Variants in CNTNAP2 observed in about 807,000 individuals in gnomAD.
CNTNAP2 encodes the protein contactin associated protein 2.
CNTNAP2 carries 98 observed loss-of-function variants against 155.2 expected under a neutral mutation model. The ratio of observed to expected loss-of-function variants is 0.63; its 90% CI spans 0.54 to 0.75. CNTNAP2 has a LOEUF of 0.75. CNTNAP2 is among the 30% of genes least tolerant of loss of function. The pLI is 0.00. For missense variants in CNTNAP2, 1,727 were observed against 1,688.1 expected, an observed-to-expected ratio of 1.02 and a Z score of -0.40; for synonymous variants, 651 against 631.2, an observed-to-expected ratio of 1.03 and a Z score of -0.47.
intron 9 of CNTNAP2, among the ~76,000 whole-genome samples, chr7:147,338,351 A>G (rs983267334): frequency 1.8e-5 from 1 of 55,834 alleles, no homozygotes; most frequent in African/African-American, 1.6e-4. Context: ...TCTTTTCCTC[A>G]TGTAAAAAAT....
At chr7:146,890,549 G>A (rs956124109) in intron 3 of CNTNAP2, among the ~76,000 whole-genome samples, 6 of 152,236 alleles carry the variant, frequency 3.9e-5, no homozygotes, top group African/African-American at 1.4e-4. Flanking sequence ...AACCACATCT[G>A]TTGAGTTATA....
At chr7:146,865,935 C>T (rs1201448237) in intron 3 of CNTNAP2, among the ~76,000 whole-genome samples, 2 of 152,160 alleles carry the variant, frequency 1.3e-5, no homozygotes, top group Non-Finnish European at 2.9e-5. Context: ...TTGTACTAGT[C>T]ATACTATTGT....
intron 1 of CNTNAP2, among the ~76,000 whole-genome samples, chr7:146,397,136 T>C (rs945291557): frequency 1.3e-5 from 2 of 152,232 alleles, no homozygotes; most frequent in Non-Finnish European, 2.9e-5. Flanking sequence ...CTTTATGCTA[T>C]CTGAAAATTT....
rs569864270 is a variant in CNTNAP2, at chr7:147,117,654, T to C, written c.755-3325T>C. Among the ~76,000 whole-genome samples, 10 of 152,308 alleles carry C rather than the reference T, an allele frequency of 6.6e-5. No homozygotes were observed. In the South Asian group the frequency reaches 2.1e-3, roughly 32 times the overall value. ...AAAATTCTAGGCTATTTGATTTATT[T>C]GGCAATTACCAATTTGAGTGGTCCA... On this transcript the variant is annotated intron_variant, in intron 5 of 23. Transcript: ENST00000361727.
intron 19 of CNTNAP2, among the ~76,000 whole-genome samples, chr7:148,226,509 G>A (rs1026169535): frequency 1.3e-5 from 2 of 152,218 alleles, no homozygotes; most frequent in Non-Finnish European, 1.5e-5. Context: ...TCTGGAGCTG[G>A]TGATCAGCAG....
intron 1 of CNTNAP2, among the ~76,000 whole-genome samples, chr7:146,528,409 A>T (rs1374851276): frequency 6.6e-6 from 1 of 152,214 alleles, no homozygotes; most frequent in Admixed American, 6.5e-5. Flanking sequence ...TAAATGAAAT[A>T]AGACGTGAAG....
rs949643526 is a variant in CNTNAP2, at chr7:148,418,000, C to A, written c.*2384C>A. 1 of 152,212 alleles carries A rather than the reference C, an allele frequency of 6.6e-6. No homozygotes were observed. The highest frequency in any genetic ancestry group is 1.5e-5 in the Non-Finnish European group (1 of 68,052). 9.4% of individuals were successfully genotyped at this position (152,212 alleles called of 1,614,324 possible). A position where few individuals can be genotyped will look rare whatever the true frequency, so the allele number is the denominator to read the frequency against. On this transcript the variant is annotated 3_prime_UTR_variant, in exon 24 of 24. Coordinates refer to ENST00000361727, the MANE Select transcript of CNTNAP2 (RefSeq NM_014141.6). The stretch of plus-strand genomic sequence containing the variant: ...GCAGGGATCAGTGGTTCTCCCATAT[C>A]ACCATCAATTAAGACATATAGGACA...
At chr7:146,235,122 A>G (rs542358268) in intron 1 of CNTNAP2, among the ~76,000 whole-genome samples, 37 of 152,312 alleles carry the variant, frequency 2.4e-4, no homozygotes, top group African/African-American at 8.2e-4. Context: ...ATGGCTGTAC[A>G]TAGAAAATAC....
chr7:147,745,746 T>C (rs193212688), intron 13 of CNTNAP2, among the ~76,000 whole-genome samples: 5 of 152,350 alleles, frequency 3.3e-5, no homozygotes, highest in Non-Finnish European at 5.9e-5. Context: ...CTTGTCTGCA[T>C]AGAGGACATC....
chr7:147,026,155 GT>G (rs1478935811), intron 3 of CNTNAP2, among the ~76,000 whole-genome samples: 9 of 151,910 alleles, frequency 5.9e-5, no homozygotes, highest in African/African-American at 2.2e-4. Context: ...GCCTGACATC[GT>G]TTTTATGGAT....
chr7:146,840,207 T>A (rs1289085221), intron 3 of CNTNAP2, among the ~76,000 whole-genome samples: 1 of 152,196 alleles, frequency 6.6e-6, no homozygotes, highest in Non-Finnish European at 1.5e-5. Flanking sequence ...TAGTGATTAA[T>A]GATACTGATA....
chr7:148,068,625 C>G (rs1420178388), intron 15 of CNTNAP2, among the ~76,000 whole-genome samples: 1 of 152,150 alleles, frequency 6.6e-6, no homozygotes, highest in African/African-American at 2.4e-5. Context: ...TGGAGACTTG[C>G]TTTTAGACTT....
chr7:146,869,337 A>G (rs887285856), intron 3 of CNTNAP2, among the ~76,000 whole-genome samples: 3 of 152,144 alleles, frequency 2.0e-5, no homozygotes, highest in Non-Finnish European at 2.9e-5. Context: ...TGACTTATCT[A>G]TGTTGAAATA....
chr7:148,208,143 G>T (rs535866314), intron 18 of CNTNAP2, among the ~76,000 whole-genome samples: 1 of 151,810 alleles, frequency 6.6e-6, no homozygotes, highest in East Asian at 1.9e-4. Context: ...CCAAGTGCCT[G>T]AACCAGAGGC....
chr7:147,624,855 A>T (rs10265945), intron 12 of CNTNAP2, among the ~76,000 whole-genome samples: 44,174 of 152,062 alleles, frequency 0.29, 7,810 homozygotes, highest in African/African-American at 0.48. Context: ...GGAAGCAACC[A>T]AAGCATCCAT....
At chr7:146,801,472 A>G (rs1471100714) in intron 2 of CNTNAP2, among the ~76,000 whole-genome samples, 1 of 152,238 alleles carries the variant, frequency 6.6e-6, no homozygotes, top group Non-Finnish European at 1.5e-5. Flanking sequence ...CCATGGAATT[A>G]TTAAACTTTC....
chr7:147,164,736 C>G (rs939762980), intron 8 of CNTNAP2, among the ~76,000 whole-genome samples: 1 of 152,090 alleles, frequency 6.6e-6, no homozygotes, highest in African/African-American at 2.4e-5. Context: ...GTTGCAGATT[C>G]TAAATATGCG....
At chr7:147,723,266 CA>C (rs1260154429) in intron 13 of CNTNAP2, among the ~76,000 whole-genome samples, 1 of 151,870 alleles carries the variant, frequency 6.6e-6, no homozygotes, top group Non-Finnish European at 1.5e-5. Context: ...CAGAATATTA[CA>C]GTCAGGAAAC....
chr7:147,365,401 A>C lies in CNTNAP2; in HGVS notation c.1499-30208A>C, dbSNP rs1022687123. 5.3e-3 allele frequency among the ~76,000 whole-genome samples: 793 copies of C among 150,952 alleles called. 4 individuals carry two copies. Among genetic ancestry groups the C allele is most frequent in the African/African-American group, 0.018 (750 of 41,176 alleles). The stretch of plus-strand genomic sequence containing the variant: ...TCAAAAAGAAAAAAAAAAAAAAAAA[A>C]AAAAAAACAAAGAAACTTATATGAA... On this transcript the variant is annotated intron_variant, in intron 9 of 23. Transcript: ENST00000361727.
Sources: allele counts gnomAD v4.1 joint callset (sites outside exome capture counted in the v4.1 genomes callset), GRCh38; gene constraint gnomAD v4.1.1; transcripts MANE v1.5; gene names NCBI Gene and HGNC (gene_info 2026-07-23, HGNC 2026-07-21).